NHEJ1: variants seen among roughly 807,000 people sequenced by gnomAD.
NHEJ1 encodes the protein non-homologous end joining factor 1.
In NHEJ1, 22 loss-of-function variants were observed where a neutral mutation model predicts 39.4. The ratio of observed to expected loss-of-function variants is 0.56; its 90% confidence interval spans 0.40 to 0.80. The LOEUF is 0.80. Among genes scored for constraint, NHEJ1 ranks in the 30% least tolerant of loss-of-function variants. The pLI, the probability that NHEJ1 is intolerant of heterozygous loss-of-function variation, is 0.00. For missense variants in NHEJ1, 329 were observed against 357.1 expected, an observed-to-expected ratio of 0.92 and a Z score of 0.63; for synonymous variants, 154 against 135.6, an observed-to-expected ratio of 1.14 and a Z score of -0.94.
intron 3 of NHEJ1, among the ~76,000 whole-genome samples, chr2:219,155,688 C>T (rs534988362): frequency 1.3e-5 from 2 of 152,082 alleles, no homozygotes; most frequent in South Asian, 2.1e-4. Flanking sequence ...TTTGGGAGGC[C>T]GAGGTGAGCG....
At chr2:219,093,926 C>A (rs888280534) in intron 5 of NHEJ1, among the ~76,000 whole-genome samples, 4 of 152,188 alleles carry the variant, frequency 2.6e-5, no homozygotes, top group African/African-American at 9.7e-5. Context: ...TGTGTCAATG[C>A]CTGGTCCCAC....
chr2:219,136,959 T>G (rs1236938395), intron 5 of NHEJ1, among the ~76,000 whole-genome samples: 1 of 151,924 alleles, frequency 6.6e-6, no homozygotes, highest in Non-Finnish European at 1.5e-5. Context: ...TTTTAACAAT[T>G]TTTTTAAAAA....
chr2:219,080,548 A>AAT (rs200271535), intron 5 of NHEJ1, among the ~76,000 whole-genome samples: 1,813 of 136,010 alleles, frequency 0.013, 129 homozygotes, highest in African/African-American at 0.051. Context: ...TAAATAAATA[A>AAT]AAATATATAT....
chr2:219,147,074 A>G (rs1949748122), intron 4 of NHEJ1, among the ~76,000 whole-genome samples: 1 of 152,258 alleles, frequency 6.6e-6, no homozygotes, highest in Non-Finnish European at 1.5e-5. Context: ...AATTCTGTAT[A>G]GCTATTGGCT....
intron 5 of NHEJ1, among the ~76,000 whole-genome samples, chr2:219,099,498 G>C (rs932134509): frequency 3.3e-5 from 5 of 152,212 alleles, no homozygotes; most frequent in African/African-American, 1.2e-4. Flanking sequence ...GAAGGCAATA[G>C]TGAGTCAGGA....
intron 3 of NHEJ1, among the ~76,000 whole-genome samples, chr2:219,148,773 A>G (rs1282831905): frequency 6.6e-6 from 1 of 152,128 alleles, no homozygotes; most frequent in Non-Finnish European, 1.5e-5. Flanking sequence ...CTGGAGTTTC[A>G]ATCTGTTCCC....
chr2:219,083,958 T>C (rs1027195217), intron 5 of NHEJ1, among the ~76,000 whole-genome samples: 1 of 152,026 alleles, frequency 6.6e-6, no homozygotes, highest in Admixed American at 6.6e-5. Flanking sequence ...CTCTGGATAG[T>C]CTCATAAGTC....
intron 5 of NHEJ1, among the ~76,000 whole-genome samples, chr2:219,080,398 G>A (rs1019747827): frequency 2.0e-5 from 3 of 151,766 alleles, no homozygotes; most frequent in African/African-American, 4.8e-5. Flanking sequence ...GGTGGTGGGC[G>A]CCTGTAGTCC....
intron 5 of NHEJ1, among the ~76,000 whole-genome samples, chr2:219,114,648 G>A (rs1949394464): frequency 6.6e-6 from 1 of 152,218 alleles, no homozygotes; most frequent in South Asian, 2.1e-4. Context: ...CAGAAACTGG[G>A]TAAGGCTGGG....
At chr2:219,119,981 A>G (rs1431310573) in intron 5 of NHEJ1, among the ~76,000 whole-genome samples, 1 of 152,184 alleles carries the variant, frequency 6.6e-6, no homozygotes, top group Non-Finnish European at 1.5e-5. Flanking sequence ...TGAAATTACT[A>G]TATCACACTG....
intron 5 of NHEJ1, among the ~76,000 whole-genome samples, chr2:219,080,070 T>C (rs1949048438): frequency 6.6e-6 from 1 of 152,180 alleles, no homozygotes; most frequent in South Asian, 2.1e-4. Flanking sequence ...CAAAACGAAG[T>C]GCTAGAAATG....
chr2:219,150,345 G>A (rs1272334205), intron 3 of NHEJ1, among the ~76,000 whole-genome samples: 1 of 152,154 alleles, frequency 6.6e-6, no homozygotes, highest in Non-Finnish European at 1.5e-5. Context: ...TCCAGCTATA[G>A]ATACTAGAGT....
chr2:219,159,526 CATATATATATGCATAT>C (rs1949894370), intron 1 of NHEJ1, among the ~76,000 whole-genome samples: 2 of 42,106 alleles, frequency 4.7e-5, no homozygotes, highest in African/African-American at 9.2e-5. Flanking sequence ...TATATATATG[CATATATATATGCATAT>C]ATATATATGC....
Position 219,071,928 on chromosome 2 carries a change from T to A in NHEJ1, c.*4453A>T. 6.6e-6 allele frequency among the ~76,000 whole-genome samples: 1 copy of A among 152,170 alleles called. No individual in the cohort carries two copies. The highest frequency in any genetic ancestry group is 1.5e-5 in the Non-Finnish European group (1 of 68,028). On this transcript the variant is annotated 3_prime_UTR_variant, in exon 8 of 8. Coordinates refer to ENST00000356853, the MANE Select transcript of NHEJ1 (RefSeq NM_024782.3). ...AAGAGTGATGAAGCCTTTGCTAGAA[T>A]ACTTGGGTGCTACCTAATGACTTCC...
chr2:219,159,611 A>ATATATG (rs1313965775), intron 1 of NHEJ1, among the ~76,000 whole-genome samples: 2 of 105,082 alleles, frequency 1.9e-5, no homozygotes, highest in Non-Finnish European at 4.2e-5. Flanking sequence ...GCATATATAT[A>ATATATG]CATATACGTG....
chr2:219,084,558 C>T (rs1379158199), intron 5 of NHEJ1, among the ~76,000 whole-genome samples: 2 of 152,216 alleles, frequency 1.3e-5, no homozygotes, highest in African/African-American at 4.8e-5. Flanking sequence ...GCTTTTGCAT[C>T]AGAAGGTCCT....
chr2:219,087,666 C>A (rs544940706), intron 5 of NHEJ1, among the ~76,000 whole-genome samples: 4 of 152,116 alleles, frequency 2.6e-5, no homozygotes, highest in African/African-American at 9.7e-5. Flanking sequence ...CCACCTCCCC[C>A]ACCTGCCACA....
At chr2:219,157,364 T>G in intron 3 of NHEJ1, 108 bp downstream of exon 3, 2 of 940,238 alleles carry the variant, frequency 2.1e-6, no homozygotes, top group Non-Finnish European at 3.3e-6. Context: ...AGTTTTCTGA[T>G]TGGAGAAGAA....
chr2:219,111,166 G>C lies in NHEJ1; in HGVS notation c.589-32960C>G, dbSNP rs1949362104. Among the ~76,000 whole-genome samples, 1 of 152,058 alleles carries C rather than the reference G, an allele frequency of 6.6e-6. No homozygotes were observed. Among genetic ancestry groups the C allele is most frequent in the South Asian group, 2.1e-4 (1 of 4,824 alleles). Reference sequence around the variant, plus strand: ...CATTTTAAAGATGATTTTAGAACTGGAATAGAATTTACTCGTGATACCCAG... The same window carrying C: ...CATTTTAAAGATGATTTTAGAACTGCAATAGAATTTACTCGTGATACCCAG... On this transcript the variant is annotated intron_variant, in intron 5 of 7. Transcript: ENST00000356853. This position sits in a 1 kb window ranked among gnomAD's most constrained non-coding sequence, Gnocchi z 4.1.
Sources: allele counts gnomAD v4.1 joint callset (sites outside exome capture counted in the v4.1 genomes callset), GRCh38; gene constraint gnomAD v4.1.1; non-coding constraint Gnocchi (gnomAD v3.1); transcripts MANE v1.5; gene names NCBI Gene and HGNC (gene_info 2026-07-23, HGNC 2026-07-21).